The following ABLIM1 variants were observed in gnomAD, a reference collection of about 807,000 sequenced individuals.
The protein encoded by ABLIM1 is actin binding LIM protein 1.
Under a neutral mutation model 107.0 loss-of-function variants are expected in ABLIM1, and 40 were observed. The observed-to-expected ratio is 0.37, with a 90% CI of 0.29 to 0.49. ABLIM1 has a LOEUF of 0.49. Among genes scored for constraint, ABLIM1 ranks in the 20% least tolerant of loss-of-function variants. The pLI, the probability that ABLIM1 is intolerant of heterozygous loss-of-function variation, is 0.97. For missense variants in ABLIM1, 857 were observed against 1,008.5 expected (o/e 0.85, Z 2.04); for synonymous variants, 357 against 357.3 (o/e 1.00, Z 0.01).
At chr10:114,798,564 C>CCA in the ABLIM1 span, among the ~76,000 whole-genome samples, 10 of 149,198 alleles carry the variant, frequency 6.7e-5, no homozygotes, top group South Asian at 2.2e-4. Flanking sequence ...AGACCCCCCC[C>CCA]CCATGTCTAC....
At position 114,487,905 on chromosome 10, in the gene ABLIM1, C is replaced by G. The variant is rs187959550; in HGVS notation, c.1041+53G>C. 99 of 1,596,500 alleles carry G rather than the reference C, an allele frequency of 6.2e-5. 1 individual carries two copies. The African/African-American group carries it at 1.1e-3, about 18-fold the overall frequency. ...CCCTAGCCCCAAGAATTAGTGACCA[C>G]GAGCGTATGGCCTACAAATGCAGCT... On this transcript the variant is annotated intron_variant, in intron 8 of 22. Coordinates refer to ENST00000533213, the MANE Select transcript of ABLIM1 (RefSeq NM_002313.7).
intron 6 of ABLIM1, among the ~76,000 whole-genome samples, chr10:114,540,202 A>G (rs1325206583): frequency 6.6e-6 from 1 of 152,122 alleles, no homozygotes; most frequent in Non-Finnish European, 1.5e-5. Flanking sequence ...AAAAAGAACC[A>G]TTGGTTCTGT....
intron 1 of ABLIM1, among the ~76,000 whole-genome samples, chr10:114,606,361 T>C (rs1286555623): frequency 6.6e-6 from 1 of 151,970 alleles, no homozygotes; most frequent in African/African-American, 2.4e-5. Context: ...TCAGCCTCCC[T>C]AGTGACTGGG....
chr10:114,573,689 C>T (rs1225867596), intron 3 of ABLIM1, among the ~76,000 whole-genome samples: 1 of 152,152 alleles, frequency 6.6e-6, no homozygotes, highest in Non-Finnish European at 1.5e-5. Context: ...ATCTCTAGTC[C>T]ACTCCCACCC....
At chr10:114,556,909 T>A (rs563196376) in intron 4 of ABLIM1, among the ~76,000 whole-genome samples, 1 of 152,238 alleles carries the variant, frequency 6.6e-6, no homozygotes, top group East Asian at 1.9e-4. Context: ...AAGAATAGAG[T>A]ACAAAACAGA....
chr10:114,723,828 T>G (rs1183430920), intron 1 of ABLIM1, among the ~76,000 whole-genome samples: 5 of 152,214 alleles, frequency 3.3e-5, no homozygotes, highest in Admixed American at 2.6e-4. Context: ...AATCTTTGTC[T>G]TGCCTGGTAG....
chr10:114,799,136 C>G, the ABLIM1 span, among the ~76,000 whole-genome samples: 1 of 152,172 alleles, frequency 6.6e-6, no homozygotes, highest in Admixed American at 6.5e-5. Context: ...AGGCTCGGCA[C>G]TAGCAATTAT....
chr10:114,441,580 T>C lies in ABLIM1; in HGVS notation c.1998+142A>G, dbSNP rs2060202360. On this transcript the variant is annotated intron_variant, in intron 18 of 22. Transcript: ENST00000533213. ...TTGCCTGTAACTCAAATTAATTTAC[T>C]AGGCAACCAGGGAGGTTAAAATTTT... 1.9e-5 allele frequency: 13 copies of C among 668,430 alleles called. No homozygotes were observed. The South Asian group carries it at 2.6e-4, about 13-fold the overall frequency. 41.4% of individuals were successfully genotyped at this position (668,430 alleles called of 1,614,324 possible).
intron 1 of ABLIM1, among the ~76,000 whole-genome samples, chr10:114,699,418 C>T (rs939990851): frequency 2.6e-5 from 4 of 151,934 alleles, no homozygotes; most frequent in Admixed American, 2.6e-4. Flanking sequence ...TAAAAATCAA[C>T]TTATAATAAA....
At chr10:114,484,084 CCTT>C (rs1196461517) in intron 8 of ABLIM1, among the ~76,000 whole-genome samples, 1 of 152,112 alleles carries the variant, frequency 6.6e-6, no homozygotes, top group Non-Finnish European at 1.5e-5. Flanking sequence ...TTAATGTTCT[CCTT>C]CTTCTGCTTC....
intron 1 of ABLIM1, among the ~76,000 whole-genome samples, chr10:114,668,573 C>T (rs556521396): frequency 1.6e-4 from 24 of 152,222 alleles, no homozygotes; most frequent in South Asian, 4.2e-4. Context: ...CTAGAGCTCA[C>T]GGAATCCTCC....
chr10:114,666,821 G>T (rs1306978926), intron 1 of ABLIM1, among the ~76,000 whole-genome samples: 1 of 152,196 alleles, frequency 6.6e-6, no homozygotes, highest in Non-Finnish European at 1.5e-5. Flanking sequence ...TTGGTCCTGA[G>T]ATAACTGTGA....
At chr10:114,791,229 G>C in the ABLIM1 span, among the ~76,000 whole-genome samples, 1 of 152,162 alleles carries the variant, frequency 6.6e-6, no homozygotes, top group Non-Finnish European at 1.5e-5. Flanking sequence ...CTACAGGCCT[G>C]TGTCACTACA....
chr10:114,690,631 G>T, intron 1 of ABLIM1: 2 of 751,792 alleles, frequency 2.7e-6, no homozygotes, highest in Non-Finnish European at 2.4e-6. Flanking sequence ...AACACCGTGG[G>T]ATTGACTATG....
At chr10:114,762,656 T>G (rs1379442916) in intron 1 of ABLIM1, among the ~76,000 whole-genome samples, 1 of 152,238 alleles carries the variant, frequency 6.6e-6, no homozygotes, top group Non-Finnish European at 1.5e-5. Flanking sequence ...AGGTAGCCAC[T>G]GCTAAATGCT....
At chr10:114,724,576 C>T (rs557605062) in intron 1 of ABLIM1, among the ~76,000 whole-genome samples, 1 of 152,318 alleles carries the variant, frequency 6.6e-6, no homozygotes, top group South Asian at 2.1e-4. Context: ...TCCTTCCCAT[C>T]ATTCCCTAGA....
chr10:114,686,896 C>T (rs984918316), upstream of ABLIM1, among the ~76,000 whole-genome samples: 1 of 151,922 alleles, frequency 6.6e-6, no homozygotes, highest in Admixed American at 6.6e-5. Flanking sequence ...CAAAGTGCTG[C>T]GATTACAGGC....
At chr10:114,772,851 C>T (rs190901657), upstream of ABLIM1, among the ~76,000 whole-genome samples, 8 of 152,118 alleles carry the variant, frequency 5.3e-5, no homozygotes, top group East Asian at 1.3e-3. Flanking sequence ...ATACACATCA[C>T]AAAACTAAGC....
At chr10:114,447,353 T>C (rs183194300) in intron 15 of ABLIM1, among the ~76,000 whole-genome samples, 103 of 152,340 alleles carry the variant, frequency 6.8e-4, no homozygotes, top group African/African-American at 2.4e-3. Context: ...CCTACTACTC[T>C]GCAATAGCCC....
Sources: allele counts gnomAD v4.1 joint callset (sites outside exome capture counted in the v4.1 genomes callset), GRCh38; gene constraint gnomAD v4.1.1; transcripts MANE v1.5; gene names NCBI Gene and HGNC (gene_info 2026-07-23, HGNC 2026-07-21).